Variants in PDE3A observed in about 807,000 individuals in gnomAD.
PDE3A encodes the protein cGMP-inhibited 3',5'-cyclic phosphodiesterase 3A.
In PDE3A, 43 loss-of-function variants were observed where a neutral mutation model predicts 98.3. The ratio of observed to expected loss-of-function variants is 0.44; its 90% CI spans 0.34 to 0.56. The LOEUF (loss-of-function observed/expected upper bound fraction) is 0.56, where lower values mean the gene tolerates loss of function less well. Among genes scored for constraint, PDE3A ranks in the 20% least tolerant of loss-of-function variants. The probability of loss-of-function intolerance (pLI) is 0.01; values close to 1 mark genes in which losing one functional copy is unlikely to be tolerated. For missense variants in PDE3A, 1,427 were observed against 1,440.7 expected, an observed-to-expected ratio of 0.99 and a Z score of 0.15; for synonymous variants, 663 against 567.9, an observed-to-expected ratio of 1.17 and a Z score of -2.38.
intron 1 of PDE3A, among the ~76,000 whole-genome samples, chr12:20,462,510 G>A (rs182711550): frequency 6.8e-4 from 103 of 152,122 alleles, no homozygotes; most frequent in African/African-American, 2.2e-3. Flanking sequence ...AACAAAAATC[G>A]AATTTTTTTT....
At chr12:20,538,153 C>A (rs1022088263) in intron 1 of PDE3A, among the ~76,000 whole-genome samples, 3 of 152,040 alleles carry the variant, frequency 2.0e-5, no homozygotes, top group African/African-American at 7.2e-5. Flanking sequence ...TGCTGCCTAC[C>A]ATTATTGCTA....
chr12:20,470,777 C>A (rs1316993091), intron 1 of PDE3A, among the ~76,000 whole-genome samples: 2 of 152,048 alleles, frequency 1.3e-5, no homozygotes, highest in Admixed American at 6.6e-5. Flanking sequence ...TCCTTTTCCC[C>A]CCAACCCGAA....
intron 2 of PDE3A, among the ~76,000 whole-genome samples, chr12:20,589,185 A>G (rs549834018): frequency 6.6e-6 from 1 of 152,204 alleles, no homozygotes; most frequent in South Asian, 2.1e-4. Context: ...CGGCCTCCCA[A>G]AGTGCTGGGA....
intron 15 of PDE3A, among the ~76,000 whole-genome samples, chr12:20,668,177 G>A (rs184808740): frequency 0.029 from 4,449 of 152,246 alleles, 83 homozygotes; most frequent in Middle Eastern, 0.051. Context: ...ATTATATCCC[G>A]CACCTGGCTT....
chr12:20,674,224 C>T (rs1367383970), intron 15 of PDE3A, among the ~76,000 whole-genome samples: 1 of 151,950 alleles, frequency 6.6e-6, no homozygotes, highest in Non-Finnish European at 1.5e-5. Flanking sequence ...TTGATGGAGT[C>T]TATGTTTTTC....
At chr12:20,668,770 G>T (rs1945390314) in intron 15 of PDE3A, among the ~76,000 whole-genome samples, 1 of 151,420 alleles carries the variant, frequency 6.6e-6, no homozygotes, top group Admixed American at 6.6e-5. Flanking sequence ...AGAAAAACTG[G>T]AAACTCTAAA....
chr12:20,523,017 G>A (rs1356501014), intron 1 of PDE3A, among the ~76,000 whole-genome samples: 1 of 151,900 alleles, frequency 6.6e-6, no homozygotes, highest in East Asian at 1.9e-4. Context: ...GGGAATGAAT[G>A]CACATGGAGG....
chr12:20,546,244 G>C (rs1942054331), intron 1 of PDE3A, among the ~76,000 whole-genome samples: 1 of 151,958 alleles, frequency 6.6e-6, no homozygotes, highest in East Asian at 1.9e-4. Context: ...GGCAACCCCA[G>C]GAATTCTGTT....
intron 2 of PDE3A, among the ~76,000 whole-genome samples, chr12:20,595,647 T>A (rs750882933): frequency 6.6e-6 from 1 of 152,128 alleles, no homozygotes; most frequent in African/African-American, 2.4e-5. Flanking sequence ...TATAGCAAGT[T>A]TAAAGTATTT....
At chr12:20,419,294 G>A (rs1000672731) in intron 1 of PDE3A, among the ~76,000 whole-genome samples, 3 of 151,902 alleles carry the variant, frequency 2.0e-5, no homozygotes, top group Non-Finnish European at 4.4e-5. Flanking sequence ...TATACCAGGT[G>A]AAACTTATTT....
At chr12:20,484,551 A>G (rs891906957) in intron 1 of PDE3A, among the ~76,000 whole-genome samples, 2 of 152,194 alleles carry the variant, frequency 1.3e-5, no homozygotes, top group Non-Finnish European at 2.9e-5. Context: ...TCACTTTAAC[A>G]CTGGTATCTA....
chr12:20,668,260 T>C (rs957532838), intron 15 of PDE3A, among the ~76,000 whole-genome samples: 3 of 152,110 alleles, frequency 2.0e-5, no homozygotes, highest in Non-Finnish European at 2.9e-5. Context: ...AAGGCGGCAG[T>C]GAGGCTGGGG....
intron 2 of PDE3A, among the ~76,000 whole-genome samples, chr12:20,593,801 A>T (rs953110183): frequency 6.6e-6 from 1 of 152,148 alleles, no homozygotes; most frequent in African/African-American, 2.4e-5. Context: ...AGAAGCTCGA[A>T]GGAGTGGTCA....
intron 1 of PDE3A, among the ~76,000 whole-genome samples, chr12:20,416,426 A>ATG (rs1484371420): frequency 6.6e-6 from 1 of 152,120 alleles, no homozygotes; most frequent in Admixed American, 6.6e-5. Flanking sequence ...ATGTGTGTGT[A>ATG]TGTGTGTGTG....
At chr12:20,578,988 T>C (rs546325133) in intron 2 of PDE3A, among the ~76,000 whole-genome samples, 2 of 152,278 alleles carry the variant, frequency 1.3e-5, no homozygotes, top group East Asian at 3.9e-4. Context: ...AACTACACCA[T>C]CAGTTTTATT....
intron 1 of PDE3A, among the ~76,000 whole-genome samples, chr12:20,397,396 A>G (rs73234014): frequency 0.018 from 2,668 of 152,154 alleles, 71 homozygotes; most frequent in African/African-American, 0.061. Flanking sequence ...TATCTCAATA[A>G]ACGTTTTGAG....
At chr12:20,467,642 G>C (rs1945361358) in intron 1 of PDE3A, among the ~76,000 whole-genome samples, 2 of 151,852 alleles carry the variant, frequency 1.3e-5, no homozygotes, top group African/African-American at 4.8e-5. Context: ...AGACAGTAAA[G>C]AGTTGGTCAA....
intron 3 of PDE3A, among the ~76,000 whole-genome samples, chr12:20,614,430 A>ACAAT (rs1477716153): frequency 6.6e-6 from 1 of 152,262 alleles, no homozygotes; most frequent in Admixed American, 6.5e-5. Flanking sequence ...TATTTAGTAA[A>ACAAT]CAATCAGCTA....
chr12:20,646,150 T>C (rs1944770404), intron 10 of PDE3A, among the ~76,000 whole-genome samples: 1 of 152,238 alleles, frequency 6.6e-6, no homozygotes, highest in South Asian at 2.1e-4. Flanking sequence ...TGCATAGTTT[T>C]ATGCAGGAGC....
Sources: allele counts gnomAD v4.1 joint callset (sites outside exome capture counted in the v4.1 genomes callset), GRCh38; gene constraint gnomAD v4.1.1; transcripts MANE v1.5; gene names NCBI Gene and HGNC (gene_info 2026-07-23, HGNC 2026-07-21).